Variants in TMEM63C observed in about 807,000 individuals in gnomAD.
TMEM63C encodes transmembrane protein 63C, also known as osmosensitive cation channel TMEM63C.
Under a neutral mutation model 99.2 loss-of-function variants are expected in TMEM63C, and 32 were observed. The ratio of observed to expected loss-of-function variants is 0.32; its 90% CI spans 0.24 to 0.43. The LOEUF (loss-of-function observed/expected upper bound fraction) is 0.43. Ranked by LOEUF, TMEM63C falls within the 20% of genes least tolerant of loss-of-function variation. The pLI is 1.00. For missense variants in TMEM63C, 826 were observed against 1,053.0 expected (o/e 0.78, Z 2.98); for synonymous variants, 376 against 397.9 (o/e 0.94, Z 0.66).
intron 8 of TMEM63C, 71 bp downstream of exon 8, chr14:77,233,571 C>T (rs2140119911): frequency 7.9e-6 from 12 of 1,513,022 alleles, no homozygotes; most frequent in Non-Finnish European, 1.1e-5. Context: ...TCTAACATGT[C>T]AGTTTGCAAC....
intron 1 of TMEM63C, among the ~76,000 whole-genome samples, chr14:77,210,639 C>T (rs2540901): frequency 2.0e-5 from 3 of 151,860 alleles, no homozygotes; most frequent in South Asian, 2.1e-4. Context: ...GGGGTCCCTC[C>T]GTGAGAAGGG....
chr14:77,244,314 C>T (rs752217021), intron 15 of TMEM63C, 35 bp from the exon 16 acceptor site: 59 of 1,479,528 alleles, frequency 4.0e-5, no homozygotes, highest in Middle Eastern at 1.7e-4. Flanking sequence ...CTTGCATTGA[C>T]GTCTCTCCTG....
chr14:77,240,564 G>A lies in TMEM63C; in HGVS notation c.1020G>A (p.Leu340=), dbSNP rs1346345804. Residue 340 remains leucine, a synonymous_variant, in exon 13 of 24, where the codon CTG becomes CTA. Transcript: ENST00000298351. ...AELNRVPLKR[L]DLIFVTFQDS... ...TCAACCGCGTGCCGCTCAAGCGGCT[G>A]GACCTGATCTTTGTCACCTTCCAGG... 5 of 1,611,528 alleles carry A rather than the reference G, an allele frequency of 3.1e-6. No homozygotes were observed. Among genetic ancestry groups the A allele is most frequent in the Admixed American group, 1.7e-5 (1 of 59,990 alleles).
At chr14:77,194,553 C>CTTTCTTTCTTTCTTTCTTTT (rs56115104) in intron 1 of TMEM63C, among the ~76,000 whole-genome samples, 1 of 125,048 alleles carries the variant, frequency 8.0e-6, no homozygotes, top group African/African-American at 3.2e-5. Flanking sequence ...TTCTTTCTTT[C>CTTTCTTTCTTTCTTTCTTTT]TCTTTCTTTC....
At chr14:77,230,588 G>A (rs1029748797) in intron 6 of TMEM63C, among the ~76,000 whole-genome samples, 20 of 152,212 alleles carry the variant, frequency 1.3e-4, no homozygotes, top group Admixed American at 2.6e-4. Context: ...GATCAGCGGC[G>A]GCATGAGCTT....
intron 22 of TMEM63C, 148 bp downstream of exon 22, chr14:77,252,046 GCA>G: frequency 1.5e-6 from 1 of 666,442 alleles, no homozygotes; most frequent in Non-Finnish European, 2.6e-6. Context: ...AGCCCAGTGT[GCA>G]TGCGTGCATG....
intron 1 of TMEM63C, among the ~76,000 whole-genome samples, chr14:77,200,822 C>T (rs751997591): frequency 4.6e-5 from 7 of 152,182 alleles, no homozygotes; most frequent in Non-Finnish European, 1.0e-4. Context: ...AAATGTGATG[C>T]CTTGAGGCCA....
At position 77,225,471 on chromosome 14, in the gene TMEM63C, C is replaced by T. The variant is rs746391615; in HGVS notation, c.350+10C>T. On this transcript the variant is annotated intron_variant, in intron 6 of 23. Coordinates refer to ENST00000298351, the MANE Select transcript of TMEM63C (RefSeq NM_020431.4). ...ACAGCATAACAATGAAGTAAGTGCCCGGGCTCTGTGAGCTTGTGACCGTGT... is the reference window on the plus strand; with the variant it reads ...ACAGCATAACAATGAAGTAAGTGCCTGGGCTCTGTGAGCTTGTGACCGTGT... The T allele has an allele frequency of 1.7e-5, 28 of 1,612,472 alleles. No individual in the cohort carries two copies. The highest frequency in any genetic ancestry group is 1.0e-4 in the Admixed American group (6 of 59,856).
chr14:77,252,076 C>CAT (rs1889375720), intron 22 of TMEM63C, among the ~76,000 whole-genome samples, 178 bp downstream of exon 22: 5 of 137,462 alleles, frequency 3.6e-5, no homozygotes, highest in African/African-American at 1.5e-4. Flanking sequence ...GCATGCCTTG[C>CAT]GTGCATGCGT....
chr14:77,227,654 A>T (rs1342202933), intron 6 of TMEM63C, among the ~76,000 whole-genome samples: 1 of 152,242 alleles, frequency 6.6e-6, no homozygotes. Context: ...AGGAAGAGGC[A>T]TCCTCTGGGC....
At position 77,225,437 on chromosome 14, in the gene TMEM63C, G is replaced by T. The variant is rs778012764; in HGVS notation, c.326G>T (p.Trp109Leu). ...CTTTCCCCGCAGGGATTCTGTTCCTGGTTCTTCAACAGCATAACAATGAAG... is the reference window on the plus strand; with the variant it reads ...CTTTCCCCGCAGGGATTCTGTTCCTTGTTCTTCAACAGCATAACAATGAAG... ...MERRDKGFCSWFFNSITMKDE... is the reference protein window; with the variant it reads ...MERRDKGFCSLFFNSITMKDE... The change falls in exon 6 of 24, where the codon TGG (tryptophan) becomes TTG (leucine). Residue 109 changes from tryptophan (W) to leucine (L), a missense_variant. Physicochemically the swap from Trp to Leu is moderately conservative, Grantham distance 61 (BLOSUM62 -2). Coordinates refer to ENST00000298351, the MANE Select transcript of TMEM63C (RefSeq NM_020431.4). 5 of 1,613,176 alleles carry T rather than the reference G, an allele frequency of 3.1e-6. No homozygotes were observed. In the Admixed American group the frequency reaches 5.0e-5, roughly 16 times the overall value.
intron 1 of TMEM63C, among the ~76,000 whole-genome samples, chr14:77,185,696 C>G (rs908216144): frequency 1.2e-4 from 19 of 152,194 alleles, no homozygotes; most frequent in African/African-American, 4.3e-4. Flanking sequence ...GTGGGGAAAT[C>G]AATCCTGCTT....
chr14:77,213,347 A>G (rs1427905968), intron 1 of TMEM63C, 99 bp from the exon 2 acceptor site: 2 of 152,262 alleles, frequency 1.3e-5, no homozygotes, highest in Non-Finnish European at 2.9e-5. Flanking sequence ...ATTTGAGCAT[A>G]AAGATGACCA....
At chr14:77,228,489 A>G (rs1167125018) in intron 6 of TMEM63C, among the ~76,000 whole-genome samples, 1 of 152,160 alleles carries the variant, frequency 6.6e-6, no homozygotes, top group African/African-American at 2.4e-5. Context: ...TCAAATGAGA[A>G]CATTGAAAAC....
intron 1 of TMEM63C, among the ~76,000 whole-genome samples, chr14:77,205,708 C>T (rs190379799): frequency 3.9e-5 from 6 of 152,244 alleles, no homozygotes; most frequent in Non-Finnish European, 7.4e-5. Flanking sequence ...TGAGATTCCT[C>T]GTGGGGAGCT....
At chr14:77,249,244 C>G in intron 20 of TMEM63C, 47 bp from the exon 21 acceptor site, 1 of 1,600,538 alleles carries the variant, frequency 6.2e-7, no homozygotes, top group Non-Finnish European at 8.5e-7. Flanking sequence ...CCACAAAGGT[C>G]CAGACTTGAA....
intron 1 of TMEM63C, among the ~76,000 whole-genome samples, chr14:77,198,907 A>G (rs945545936): frequency 1.3e-5 from 2 of 152,172 alleles, no homozygotes; most frequent in African/African-American, 4.8e-5. Flanking sequence ...TTTTCTCTTT[A>G]TCCACTTGAA....
At chr14:77,247,530 A>G (rs1889286571) in intron 18 of TMEM63C, among the ~76,000 whole-genome samples, 1 of 152,178 alleles carries the variant, frequency 6.6e-6, no homozygotes, top group Admixed American at 6.5e-5. Context: ...AAGCAAGCTA[A>G]AGTTACATTT....
intron 1 of TMEM63C, among the ~76,000 whole-genome samples, chr14:77,203,340 C>CCACTT (rs1888334999): frequency 6.7e-6 from 1 of 149,568 alleles, no homozygotes; most frequent in Non-Finnish European, 1.5e-5. Context: ...CAAGATCCTG[C>CCACTT]CACTTCACTC....
Sources: gnomAD v4.1 joint callset for allele counts (sites outside exome capture counted in the v4.1 genomes callset) on GRCh38, gnomAD v4.1.1 for gene constraint, MANE v1.5 for transcripts, NCBI Gene and HGNC (gene_info 2026-07-23, HGNC 2026-07-21) for gene names.